The following SSBP4 variants were observed in gnomAD, a reference collection of about 807,000 sequenced individuals.
The protein encoded by SSBP4 is single stranded DNA binding protein 4, also known as single-stranded DNA-binding protein 4.
Under a neutral mutation model 64.6 loss-of-function variants are expected in SSBP4, and 33 were observed. The ratio of observed to expected loss-of-function variants is 0.51; its 90% CI spans 0.39 to 0.68. SSBP4 has a LOEUF of 0.68. SSBP4 is among the 30% of genes least tolerant of loss of function. SSBP4 has a pLI of 0.00. For synonymous variants in SSBP4, 243 were observed against 224.0 expected (o/e 1.08, Z -0.76); for missense variants, 583 against 566.8 (o/e 1.03, Z -0.29).
the SSBP4 span, among the ~76,000 whole-genome samples, chr19:18,412,422 C>A: frequency 7.1e-6 from 1 of 139,872 alleles, no homozygotes. Flanking sequence ...GATCGCACCA[C>A]GGCACTCCAG....
At chr19:18,430,990 G>C in intron 5 of SSBP4, 60 bp downstream of exon 5, 7 of 1,520,672 alleles carry the variant, frequency 4.6e-6, no homozygotes, top group Non-Finnish European at 6.2e-6. Context: ...GTTTGAGGGT[G>C]GGGGGGGTCC....
At chr19:18,417,094 C>T (rs552929460), upstream of SSBP4, among the ~76,000 whole-genome samples, 61 of 152,198 alleles carry the variant, frequency 4.0e-4, no homozygotes, top group Non-Finnish European at 7.5e-4. The surrounding 1 kb of genome is among the most constrained non-coding windows in gnomAD (Gnocchi z 5.4). Context: ...TCCGCCTCCG[C>T]CCTCCCCCGG....
At chr19:18,433,417 C>A (rs1330233521) in intron 15 of SSBP4, 168 bp from the exon 16 acceptor site, 2 of 1,325,654 alleles carry the variant, frequency 1.5e-6, no homozygotes, top group Non-Finnish European at 1.0e-6. Context: ...CCGCCCCTCC[C>A]CCCCAGGCCC....
intron 15 of SSBP4, 161 bp downstream of exon 15, chr19:18,433,374 G>T: frequency 7.9e-7 from 1 of 1,261,822 alleles, no homozygotes. Flanking sequence ...GAGCTGGAGG[G>T]GGATCCAGCG....
chr19:18,431,722 G>C lies in SSBP4; in HGVS notation c.495+16G>C. The C allele has an allele frequency of 1.3e-6, 2 of 1,546,882 alleles. No homozygotes were observed. The highest frequency in any genetic ancestry group is 1.7e-6 in the Non-Finnish European group (2 of 1,144,834). On this transcript the variant is annotated intron_variant, in intron 7 of 17. Coordinates refer to ENST00000270061, the MANE Select transcript of SSBP4 (RefSeq NM_032627.5). Reference sequence around the variant, plus strand: ...GCCGAGTCAGGTGAGAAAGGGATGAGGGGAGGGCGGGCAGGAGCTGGGCCG... The same window carrying C: ...GCCGAGTCAGGTGAGAAAGGGATGACGGGAGGGCGGGCAGGAGCTGGGCCG...
intron 17 of SSBP4, 142 bp from the exon 18 acceptor site, chr19:18,434,075 C>T (rs1246718159): frequency 1.5e-6 from 2 of 1,348,682 alleles, no homozygotes; most frequent in Non-Finnish European, 1.9e-6. Context: ...ATGCATCGCC[C>T]CTCCCCCGTT....
chr19:18,430,982 T>C (rs1388544688), intron 5 of SSBP4, 52 bp downstream of exon 5: 20 of 1,588,530 alleles, frequency 1.3e-5, no homozygotes, highest in Non-Finnish European at 1.6e-5. Context: ...GAACATGCGT[T>C]TGAGGGTGGG....
At chr19:18,416,076 G>A (rs937227021), upstream of SSBP4, among the ~76,000 whole-genome samples, 1 of 152,050 alleles carries the variant, frequency 6.6e-6, no homozygotes, top group Non-Finnish European at 1.5e-5. Context: ...AGGCTGGAGC[G>A]CAATCTTGGC....
At chr19:18,430,791 A>G (rs752206415) in intron 4 of SSBP4, 50 bp from the exon 5 acceptor site, 7 of 1,526,702 alleles carry the variant, frequency 4.6e-6, no homozygotes, top group Non-Finnish European at 5.3e-6. Flanking sequence ...CCAGGTAGGA[A>G]GTGTCCAGGT....
rs1972841551 is a variant in SSBP4 at position 18,426,182 on chromosome 19, C to G, written c.60-1169C>G. The G allele has an allele frequency of 1.3e-5, 2 of 152,408 alleles. No individual in the cohort carries two copies. The highest frequency in any genetic ancestry group is 2.9e-5 in the Non-Finnish European group (2 of 68,234). The allele number at this position is 152,408 out of a possible 1,614,324, so 9.4% of individuals were successfully genotyped here. A position where few individuals can be genotyped will look rare whatever the true frequency, so the allele number is the denominator to read the frequency against. On this transcript the variant is annotated intron_variant, in intron 1 of 17. Transcript: ENST00000270061. This position sits in a 1 kb window ranked among gnomAD's most constrained non-coding sequence, Gnocchi z 4.5. ...TGGGGGCCCTGATGGGTGGTGGGTG[C>G]TAGGATTGGAGCAGCCTGGCTGGGA...
At chr19:18,405,989 TAAA>T in the SSBP4 span, among the ~76,000 whole-genome samples, 6 of 125,230 alleles carry the variant, frequency 4.8e-5, no homozygotes, top group Non-Finnish European at 5.1e-5. Context: ...AGACTCCGTC[TAAA>T]AAAAAAAAAA....
chr19:18,409,894 C>A, the SSBP4 span, among the ~76,000 whole-genome samples: 1 of 152,204 alleles, frequency 6.6e-6, no homozygotes, highest in Non-Finnish European at 1.5e-5. Flanking sequence ...TGCAGTGGCT[C>A]AATCTCGGCT....
intron 1 of SSBP4, among the ~76,000 whole-genome samples, chr19:18,421,028 G>A (rs1454140974): frequency 6.6e-6 from 1 of 151,946 alleles, no homozygotes; most frequent in African/African-American, 2.4e-5. Flanking sequence ...ATGAGGACCT[G>A]CCTTGAGGGC....
intron 1 of SSBP4, among the ~76,000 whole-genome samples, chr19:18,421,562 C>G (rs1033827254): frequency 6.6e-6 from 1 of 152,180 alleles, no homozygotes; most frequent in Admixed American, 6.5e-5. Flanking sequence ...CTGAAGAAGC[C>G]CCCACCCCAG....
In SSBP4 at chr19:18,431,995, C is replaced by T. The variant is rs1378151797; in HGVS notation, c.566-5C>T. ...CCAAGTCCCCTTCCTTCTGCCCCAC[C>T]CCAGGGCATCCGAGCATGGGCGGCC... is the stretch of plus-strand genomic sequence containing the variant. On this transcript the variant is annotated splice_polypyrimidine_tract_variant and splice_region_variant and intron_variant, in intron 8 of 17. Transcript: ENST00000270061. 5.8e-6 allele frequency: 9 copies of T among 1,557,188 alleles called. No individual in the cohort carries two copies. The highest frequency in any genetic ancestry group is 1.4e-5 in the African/African-American group (1 of 73,768).
the SSBP4 span, among the ~76,000 whole-genome samples, chr19:18,410,374 C>G: frequency 8.8e-4 from 133 of 151,998 alleles, 1 homozygote; most frequent in South Asian, 0.027. Flanking sequence ...TCAAGTGATC[C>G]GCCCACCTCG....
At chr19:18,405,157 C>T in the SSBP4 span, among the ~76,000 whole-genome samples, 1 of 152,072 alleles carries the variant, frequency 6.6e-6, no homozygotes, top group Non-Finnish European at 1.5e-5. Context: ...TGGGTGCTGC[C>T]CCAAGAACCC....
chr19:18,421,799 G>A (rs1301229819), intron 1 of SSBP4, among the ~76,000 whole-genome samples: 1 of 152,180 alleles, frequency 6.6e-6, no homozygotes, highest in Non-Finnish European at 1.5e-5. Context: ...CAGGTGGAGT[G>A]GGGCTTATAG....
At chr19:18,405,321 T>G in the SSBP4 span, among the ~76,000 whole-genome samples, 1 of 151,708 alleles carries the variant, frequency 6.6e-6, no homozygotes, top group Non-Finnish European at 1.5e-5. Flanking sequence ...TTCTGCCACC[T>G]CCATCCTCTC....
Sources: allele counts gnomAD v4.1 joint callset (sites outside exome capture counted in the v4.1 genomes callset), GRCh38; gene constraint gnomAD v4.1.1; non-coding constraint Gnocchi (gnomAD v3.1); transcripts MANE v1.5; gene names NCBI Gene and HGNC (gene_info 2026-07-23, HGNC 2026-07-21).